MITF: variants seen among roughly 807,000 people sequenced by gnomAD.
MITF encodes melanocyte inducing transcription factor, also known as microphthalmia-associated transcription factor.
Under a neutral mutation model 60.5 loss-of-function variants are expected in MITF, and 17 were observed. The observed-to-expected ratio is 0.28, with a 90% CI of 0.19 to 0.42. The LOEUF (loss-of-function observed/expected upper bound fraction) is 0.42. Among genes scored for constraint, MITF ranks in the 10% least tolerant of loss-of-function variants. The pLI, the probability that MITF is intolerant of heterozygous loss-of-function variation, is 1.00. For missense variants in MITF, 622 were observed against 683.5 expected (o/e 0.91, Z 1.00); for synonymous variants, 260 against 248.5 (o/e 1.05, Z -0.43).
intron 1 of MITF, 145 bp downstream of exon 1, chr3:69,739,846 G>A: frequency 1.5e-6 from 1 of 645,212 alleles, no homozygotes; most frequent in Non-Finnish European, 2.8e-6. Context: ...ACTGCCCCTC[G>A]CAGTTGGGGG....
intron 1 of MITF, among the ~76,000 whole-genome samples, chr3:69,757,681 A>T (rs1431171426): frequency 6.6e-6 from 1 of 152,164 alleles, no homozygotes; most frequent in Non-Finnish European, 1.5e-5. Flanking sequence ...CATTTTCAGA[A>T]TAGATATATT....
At chr3:69,823,025 C>T (rs1019243700) in intron 1 of MITF, among the ~76,000 whole-genome samples, 5 of 151,974 alleles carry the variant, frequency 3.3e-5, no homozygotes, top group East Asian at 3.9e-4. Context: ...ATTACAGGTG[C>T]ATGCCACCAC....
chr3:69,776,895 T>C (rs1256016212), intron 1 of MITF, among the ~76,000 whole-genome samples: 2 of 152,230 alleles, frequency 1.3e-5, no homozygotes, highest in Admixed American at 1.3e-4. Flanking sequence ...GCCTCTGGCT[T>C]ATATAGAACT....
At chr3:69,839,238 A>G (rs2063588304) in intron 1 of MITF, among the ~76,000 whole-genome samples, 1 of 152,130 alleles carries the variant, frequency 6.6e-6, no homozygotes, top group Non-Finnish European at 1.5e-5. Context: ...GTTCTTGAAA[A>G]AAAAAGTGAA....
intron 1 of MITF, among the ~76,000 whole-genome samples, chr3:69,741,637 C>T (rs1443981051): frequency 6.6e-6 from 1 of 152,122 alleles, no homozygotes; most frequent in Non-Finnish European, 1.5e-5. Context: ...ATGCTAGAAA[C>T]AGGTGTGGGC....
intron 1 of MITF, among the ~76,000 whole-genome samples, chr3:69,755,204 A>T (rs1367348533): frequency 6.6e-6 from 1 of 152,220 alleles, no homozygotes; most frequent in Admixed American, 6.5e-5. Flanking sequence ...ATAAATAATG[A>T]GATACACTAA....
intron 1 of MITF, among the ~76,000 whole-genome samples, chr3:69,785,118 T>C (rs1030112830): frequency 6.6e-6 from 1 of 152,126 alleles, no homozygotes; most frequent in South Asian, 2.1e-4. Context: ...TGGAGAACTT[T>C]TGGCTGCAGA....
At chr3:69,829,380 A>G (rs534560995) in intron 1 of MITF, among the ~76,000 whole-genome samples, 11 of 152,248 alleles carry the variant, frequency 7.2e-5, no homozygotes, top group African/African-American at 2.4e-4. Flanking sequence ...TTGCATTGAG[A>G]TTTTAAAATT....
Position 69,964,651 on chromosome 3 carries a change from A to G in MITF, c.1180-196A>G, listed in dbSNP as rs1440811952. Among the ~76,000 whole-genome samples, 7 of 137,676 alleles carry G rather than the reference A, an allele frequency of 5.1e-5. 1 individual carries two copies. Among genetic ancestry groups the G allele is most frequent in the Admixed American group, 2.2e-4 (3 of 13,684 alleles). The allele number at this position is 137,676 out of a possible 152,430, so 90.3% of individuals were successfully genotyped here. ...CAGAGTGGCACATTTATTAGAATCA[A>G]TGAACCCGCAGTGACATTTCATTAT... On this transcript the variant is annotated intron_variant, in intron 9 of 9. Transcript: ENST00000352241.
chr3:69,962,591 G>T (rs941340136), intron 9 of MITF, among the ~76,000 whole-genome samples: 5 of 152,172 alleles, frequency 3.3e-5, no homozygotes, highest in Non-Finnish European at 7.3e-5. Flanking sequence ...GATAAGGAAA[G>T]GTGACTTGCT....
At chr3:69,906,636 G>A (rs1221203570) in intron 2 of MITF, among the ~76,000 whole-genome samples, 2 of 152,106 alleles carry the variant, frequency 1.3e-5, no homozygotes, top group Non-Finnish European at 2.9e-5. Flanking sequence ...CATTTTCTAA[G>A]TCTTATTTTA....
chr3:69,923,727 A>G (rs879340787), intron 2 of MITF, among the ~76,000 whole-genome samples: 1 of 152,188 alleles, frequency 6.6e-6, no homozygotes, highest in Non-Finnish European at 1.5e-5. Context: ...GAAGTAGTCT[A>G]TCCTCTTCCT....
intron 1 of MITF, among the ~76,000 whole-genome samples, chr3:69,863,851 C>A (rs147822991): frequency 6.6e-6 from 1 of 152,150 alleles, no homozygotes; most frequent in African/African-American, 2.4e-5. Flanking sequence ...CATCTGCCAC[C>A]GTCCCTGGCT....
chr3:69,820,163 T>C (rs2063245837), intron 1 of MITF, among the ~76,000 whole-genome samples: 1 of 152,228 alleles, frequency 6.6e-6, no homozygotes, highest in Non-Finnish European at 1.5e-5. Flanking sequence ...TAGATTCGTT[T>C]TGAATTATGT....
chr3:69,868,677 G>A (rs961599775), intron 1 of MITF, among the ~76,000 whole-genome samples: 3 of 152,052 alleles, frequency 2.0e-5, no homozygotes, highest in Non-Finnish European at 4.4e-5. Flanking sequence ...AAGGCAGGTG[G>A]ATCATGAGGT....
chr3:69,951,249 C>T (rs1188258466), intron 6 of MITF, among the ~76,000 whole-genome samples: 4 of 151,608 alleles, frequency 2.6e-5, no homozygotes, highest in Non-Finnish European at 2.9e-5. Context: ...GCATGCACCA[C>T]CATGCTGGAC....
chr3:69,812,504 A>G (rs1210173913), intron 1 of MITF, among the ~76,000 whole-genome samples: 3 of 152,226 alleles, frequency 2.0e-5, no homozygotes, highest in African/African-American at 7.2e-5. Flanking sequence ...ATTGAATTCT[A>G]AATGGAATAC....
At chr3:69,766,376 ATTTTTTT>A (rs753953309) in intron 1 of MITF, among the ~76,000 whole-genome samples, 1 of 95,140 alleles carries the variant, frequency 1.1e-5, no homozygotes, top group Non-Finnish European at 2.0e-5. Flanking sequence ...TGCCCAGCTA[ATTTTTTT>A]TTTTTTTTTT....
Position 69,966,881 on chromosome 3 carries a change from G to A in MITF, c.*1633G>A, listed in dbSNP as rs1488353492. ...TTTTTGGACTAGCACTGACTGAACT[G>A]TAATGTAGGGGAAAGTTTCATGATG... On this transcript the variant is annotated 3_prime_UTR_variant, in exon 10 of 10. Transcript: ENST00000352241. 4.3e-6 allele frequency: 1 copy of A among 232,590 alleles called. No homozygotes were observed. Among genetic ancestry groups the A allele is most frequent in the East Asian group, 6.1e-5 (1 of 16,432 alleles). 14.4% of individuals were successfully genotyped at this position (232,590 alleles called of 1,614,324 possible). A position where few individuals can be genotyped will look rare whatever the true frequency, so the allele number is the denominator to read the frequency against.
Sources: allele counts gnomAD v4.1 joint callset (sites outside exome capture counted in the v4.1 genomes callset), GRCh38; gene constraint gnomAD v4.1.1; transcripts MANE v1.5; gene names NCBI Gene and HGNC (gene_info 2026-07-23, HGNC 2026-07-21).